NRXN3: variants seen among roughly 807,000 people sequenced by gnomAD.
The protein encoded by NRXN3 is neurexin 3.
In NRXN3, 32 loss-of-function variants were observed where a neutral mutation model predicts 137.6. That is an observed-to-expected ratio of 0.23 (90% CI 0.18 to 0.31). The LOEUF (loss-of-function observed/expected upper bound fraction) is 0.31, where lower values mean the gene tolerates loss of function less well. Among genes scored for constraint, NRXN3 ranks in the 10% least tolerant of loss-of-function variants. The pLI is 1.00. For synonymous variants in NRXN3, 798 were observed against 784.5 expected (o/e 1.02, Z -0.29); for missense variants, 1,574 against 2,062.5 (o/e 0.76, Z 4.59).
intron 4 of NRXN3, among the ~76,000 whole-genome samples, chr14:78,466,701 G>C (rs1374774074): frequency 6.6e-6 from 1 of 152,224 alleles, no homozygotes; most frequent in Non-Finnish European, 1.5e-5. Flanking sequence ...GCACCAGACA[G>C]ACCTGGAGTC....
chr14:79,267,086 A>G (rs1334239845), intron 15 of NRXN3, among the ~76,000 whole-genome samples: 3 of 152,198 alleles, frequency 2.0e-5, no homozygotes, highest in African/African-American at 4.8e-5. Context: ...AGTAGTCCAC[A>G]CTGACTATCA....
intron 6 of NRXN3, chr14:78,698,406 T>C (rs1233825505): frequency 6.6e-6 from 1 of 152,096 alleles, no homozygotes. Context: ...CTATTTTCTT[T>C]CAGAGTAGCT....
intron 4 of NRXN3, among the ~76,000 whole-genome samples, chr14:78,438,263 G>A (rs2094135593): frequency 6.6e-6 from 1 of 152,130 alleles, no homozygotes. Flanking sequence ...GGACTTCTTT[G>A]GACATCCAGG....
chr14:79,257,448 A>G lies in NRXN3; in HGVS notation c.3263-209773A>G, dbSNP rs867050045. 7.1e-4 allele frequency among the ~76,000 whole-genome samples: 7 copies of G among 9,862 alleles called. 1 individual carries two copies. The highest frequency in any genetic ancestry group is 9.7e-4 in the African/African-American group (2 of 2,066). 6.5% of individuals were successfully genotyped at this position (9,862 alleles called of 152,430 possible). ...GATGGTGGTGGTGGTGGTGGTAGTG[A>G]TGGTGGTGGTGGTGGTGGTGGTGAT... On this transcript the variant is annotated intron_variant, in intron 15 of 20. Coordinates refer to ENST00000335750, the MANE Select transcript of NRXN3 (RefSeq NM_001330195.2).
In NRXN3 at chr14:78,325,551, G is replaced by A. The variant is rs1016081333; in HGVS notation, c.757+27691G>A. Among the ~76,000 whole-genome samples the A allele has an allele frequency of 5.3e-5, 8 of 152,064 alleles. No homozygotes were observed. The East Asian group carries it at 5.8e-4, about 11-fold the overall frequency. ...TTGATAGATGTTATCTATTATTATC[G>A]TTATTTTTATCATTATCATCATTGC... On this transcript the variant is annotated intron_variant, in intron 4 of 20. Coordinates refer to ENST00000335750, the MANE Select transcript of NRXN3 (RefSeq NM_001330195.2).
intron 19 of NRXN3, among the ~76,000 whole-genome samples, chr14:79,710,382 T>C (rs2098799000): frequency 6.6e-6 from 1 of 152,352 alleles, no homozygotes; most frequent in Admixed American, 6.5e-5. Flanking sequence ...ATTTATGTGT[T>C]GTATAAACCA....
chr14:79,679,593 G>T (rs1021659183), intron 17 of NRXN3, among the ~76,000 whole-genome samples: 1 of 152,098 alleles, frequency 6.6e-6, no homozygotes, highest in Non-Finnish European at 1.5e-5. Context: ...GTATGTCAAT[G>T]TTTGGTTTCA....
intron 16 of NRXN3, among the ~76,000 whole-genome samples, chr14:79,624,305 C>A (rs1000881970): frequency 6.6e-6 from 1 of 152,082 alleles, no homozygotes; most frequent in Non-Finnish European, 1.5e-5. Flanking sequence ...GATATCTTTC[C>A]ATTGGTTCAC....
intron 19 of NRXN3, among the ~76,000 whole-genome samples, chr14:79,711,359 C>T (rs2098803442): frequency 6.6e-6 from 1 of 152,104 alleles, no homozygotes; most frequent in South Asian, 2.1e-4. Flanking sequence ...AATTGCTCAA[C>T]CACTTTATAA....
chr14:78,452,488 T>C (rs1401799432), intron 4 of NRXN3, among the ~76,000 whole-genome samples: 1 of 152,232 alleles, frequency 6.6e-6, no homozygotes, highest in African/African-American at 2.4e-5. Flanking sequence ...CAAGATTTCA[T>C]GCCTTAGGAC....
chr14:79,468,180 A>T (rs2096455199), intron 16 of NRXN3, among the ~76,000 whole-genome samples: 1 of 152,246 alleles, frequency 6.6e-6, no homozygotes, highest in Non-Finnish European at 1.5e-5. Context: ...ATCCCTGTAG[A>T]TCATAAGAAC....
At chr14:78,257,971 T>G (rs914583458) in intron 2 of NRXN3, among the ~76,000 whole-genome samples, 1 of 152,146 alleles carries the variant, frequency 6.6e-6, no homozygotes, top group African/African-American at 2.4e-5. Context: ...TGCAGAGATA[T>G]CAAGGAGAGG....
intron 16 of NRXN3, among the ~76,000 whole-genome samples, chr14:79,656,227 G>A (rs752003168): frequency 6.6e-5 from 10 of 152,170 alleles, no homozygotes; most frequent in African/African-American, 2.2e-4. Flanking sequence ...CGGGGAAACC[G>A]GACGTTTATG....
At chr14:79,356,668 T>G (rs2093433903) in intron 15 of NRXN3, among the ~76,000 whole-genome samples, 1 of 152,152 alleles carries the variant, frequency 6.6e-6, no homozygotes, top group Non-Finnish European at 1.5e-5. Context: ...TATTCTACCT[T>G]CACCTCCCGC....
chr14:79,006,343 A>AACAG (rs889333447), intron 15 of NRXN3, among the ~76,000 whole-genome samples: 1 of 152,088 alleles, frequency 6.6e-6, no homozygotes, highest in African/African-American at 2.4e-5. Context: ...CAAACAAACA[A>AACAG]ACAAACAAAC....
Position 78,261,782 on chromosome 14 carries a change from C to G in NRXN3, c.710-16863C>G, listed in dbSNP as rs575188065. Among the ~76,000 whole-genome samples, 6 of 152,266 alleles carry G rather than the reference C, an allele frequency of 3.9e-5. No individual in the cohort carries two copies. The South Asian group carries it at 1.2e-3, about 32-fold the overall frequency. ...GGTAGCAAGTGGCTTGGGACTGGGA[C>G]TAGAACTCAAATATCCTAACTCCCA... is the stretch of plus-strand genomic sequence containing the variant. On this transcript the variant is annotated intron_variant, in intron 2 of 20. Transcript: ENST00000335750.
At chr14:78,985,296 C>A (rs2099500377) in intron 14 of NRXN3, among the ~76,000 whole-genome samples, 1 of 152,128 alleles carries the variant, frequency 6.6e-6, no homozygotes, top group Non-Finnish European at 1.5e-5. Flanking sequence ...GAGAATATTA[C>A]CTGATTTCTA....
At chr14:79,027,393 CTATCTT>C (rs1206146156) in intron 15 of NRXN3, among the ~76,000 whole-genome samples, 2 of 152,008 alleles carry the variant, frequency 1.3e-5, no homozygotes, top group Non-Finnish European at 2.9e-5. Flanking sequence ...AGTTAAATGA[CTATCTT>C]TATGAAACAA....
intron 6 of NRXN3, among the ~76,000 whole-genome samples, chr14:78,700,874 C>A (rs749971609): frequency 6.6e-6 from 1 of 151,992 alleles, no homozygotes; most frequent in Non-Finnish European, 1.5e-5. Flanking sequence ...TGGGTTCAAG[C>A]GATTCTCCTG....
Sources: gnomAD v4.1 joint callset for allele counts (sites outside exome capture counted in the v4.1 genomes callset) on GRCh38, gnomAD v4.1.1 for gene constraint, MANE v1.5 for transcripts, NCBI Gene and HGNC (gene_info 2026-07-23, HGNC 2026-07-21) for gene names.